DOCK4: variants seen among roughly 807,000 people sequenced by gnomAD.
DOCK4 encodes the protein dedicator of cytokinesis 4, also known as dedicator of cytokinesis protein 4.
DOCK4 carries 97 observed loss-of-function variants against 268.1 expected under a neutral mutation model. The observed-to-expected ratio is 0.36, with a 90% CI of 0.31 to 0.43. The LOEUF (loss-of-function observed/expected upper bound fraction) is 0.43, where lower values mean the gene tolerates loss of function less well. DOCK4 is among the 20% of genes least tolerant of loss of function. The pLI is 1.00. For missense variants in DOCK4, 2,145 were observed against 2,455.7 expected, an observed-to-expected ratio of 0.87 and a Z score of 2.67; for synonymous variants, 954 against 887.2, an observed-to-expected ratio of 1.08 and a Z score of -1.34.
At chr7:111,878,088 G>A (rs912498604) in intron 16 of DOCK4, among the ~76,000 whole-genome samples, 1 of 152,160 alleles carries the variant, frequency 6.6e-6, no homozygotes, top group Non-Finnish European at 1.5e-5. Context: ...GCAACATGTT[G>A]AGCAACACTA....
At position 111,834,693 on chromosome 7, in the gene DOCK4, TAAAAAAAA is replaced by T; in HGVS notation, c.2737-15_2737-8del. ...GACAAGCAACAAACTCCCCCTAAGT[TAAAAAAAA>T]AAAAAGCATACATTTTATTTTTAGT... On this transcript the variant is annotated splice_region_variant and splice_polypyrimidine_tract_variant and intron_variant, in intron 25 of 52. Transcript: ENST00000428084. 1 of 1,367,458 alleles carries T rather than the reference TAAAAAAAA, an allele frequency of 7.3e-7. No homozygotes were observed. The highest frequency in any genetic ancestry group is 9.8e-7 in the Non-Finnish European group (1 of 1,023,938). The allele number at this position is 1,367,458 out of a possible 1,614,324, so 84.7% of individuals were successfully genotyped here.
Position 112,206,366 on chromosome 7 carries a change from CG to C in DOCK4, c.-229del. 1.7e-6 allele frequency: 1 copy of C among 586,130 alleles called. No homozygotes were observed. Among genetic ancestry groups the C allele is most frequent in the South Asian group, 2.1e-5 (1 of 48,458 alleles). 36.3% of individuals were successfully genotyped at this position (586,130 alleles called of 1,614,324 possible). On this transcript the variant is annotated 5_prime_UTR_variant, in exon 1 of 53. The change abolishes the stop of an existing upstream ORF in the 5' untranslated region. Transcript: ENST00000428084. ...TGCTCACAGTCCTCCGACGCGCTCC[CG>C]GGTACCCGGCGGCGCAGTCATTGTT...
intron 15 of DOCK4, among the ~76,000 whole-genome samples, chr7:111,899,113 A>G (rs1790911871): frequency 6.6e-6 from 1 of 152,218 alleles, no homozygotes; most frequent in African/African-American, 2.4e-5. Flanking sequence ...GAAGAATTTT[A>G]AGACCCTGCT....
At chr7:111,793,476 G>A (rs1799690418) in intron 30 of DOCK4, among the ~76,000 whole-genome samples, 1 of 152,194 alleles carries the variant, frequency 6.6e-6, no homozygotes, top group African/African-American at 2.4e-5. Flanking sequence ...AAGGAACAAA[G>A]TATTCATTTA....
intron 7 of DOCK4, among the ~76,000 whole-genome samples, chr7:111,983,844 A>ACACGCGCG (rs1554402960): frequency 1.4e-5 from 2 of 138,940 alleles, no homozygotes; most frequent in African/African-American, 5.8e-5. Context: ...GTACACACAC[A>ACACGCGCG]CGCGCGCGCG....
At chr7:111,840,743 T>C (rs1194826267) in intron 25 of DOCK4, 6 of 1,205,484 alleles carry the variant, frequency 5.0e-6, no homozygotes, top group Admixed American at 2.9e-5. Context: ...TGGCACATTG[T>C]GGGATCTGCG....
chr7:111,793,137 G>C (rs932447769), intron 30 of DOCK4, among the ~76,000 whole-genome samples: 16 of 152,182 alleles, frequency 1.1e-4, no homozygotes, highest in Non-Finnish European at 1.6e-4. Flanking sequence ...CTCAGAGTAT[G>C]AGCATTTCTG....
intron 1 of DOCK4, among the ~76,000 whole-genome samples, chr7:112,027,261 G>A (rs1802884420): frequency 6.6e-6 from 1 of 152,070 alleles, no homozygotes; most frequent in South Asian, 2.1e-4. Context: ...GTCTCGCTTT[G>A]TTGCCCAGGG....
intron 1 of DOCK4, among the ~76,000 whole-genome samples, chr7:112,126,648 C>T (rs1442921026): frequency 1.3e-5 from 2 of 152,042 alleles, no homozygotes; most frequent in East Asian, 3.9e-4. Context: ...AAAATTTTTG[C>T]AACCTACTCA....
At chr7:112,062,255 A>C (rs1806486338) in intron 1 of DOCK4, among the ~76,000 whole-genome samples, 1 of 152,192 alleles carries the variant, frequency 6.6e-6, no homozygotes, top group Admixed American at 6.5e-5. Flanking sequence ...TAAAAATTTT[A>C]GACCTAAACA....
intron 30 of DOCK4, 116 bp from the exon 31 acceptor site, chr7:111,790,721 C>T (rs1448707996): frequency 8.2e-7 from 1 of 1,216,764 alleles, no homozygotes; most frequent in Non-Finnish European, 1.1e-6. Context: ...TTATAGTCGT[C>T]TCCTCAAGCA....
chr7:112,012,199 T>C (rs1017700037), intron 1 of DOCK4, among the ~76,000 whole-genome samples: 2 of 152,200 alleles, frequency 1.3e-5, no homozygotes, highest in Non-Finnish European at 2.9e-5. Flanking sequence ...AAGCCTTCCA[T>C]TTATAATAGT....
intron 16 of DOCK4, among the ~76,000 whole-genome samples, chr7:111,885,283 TC>T (rs1807739984): frequency 6.6e-6 from 1 of 152,184 alleles, no homozygotes; most frequent in East Asian, 1.9e-4. Flanking sequence ...CATGGTAAAA[TC>T]CAGCTATACT....
Position 111,940,149 on chromosome 7 carries a change from G to A in DOCK4, c.938C>T (p.Thr313Ile), listed in dbSNP as rs1795090166. Residue 313 changes from threonine (T) to isoleucine (I), a missense_variant, in exon 11 of 53, where the codon ACA becomes ATA. Physicochemically the swap from Thr to Ile is moderately conservative, Grantham distance 89. Around this residue, in one of 2 missense-constraint regions of DOCK4, gnomAD observed 1,598 missense variants for 1,986.7 expected, o/e 0.80. Transcript: ENST00000428084. ...AATGAGGTCATCCTTTGTCTCTCCT[G>A]TTAGCAGGTCAGCGATGCTAAGAAC... ...CAVLSIADLLTGETKDDLILK... is the reference protein window; with the variant it reads ...CAVLSIADLLIGETKDDLILK... 6.2e-7 allele frequency: 1 copy of A among 1,613,860 alleles called. No individual in the cohort carries two copies. Among genetic ancestry groups the A allele is most frequent in the Non-Finnish European group, 8.5e-7 (1 of 1,179,902 alleles).
chr7:111,961,140 T>C (rs1200866036), intron 8 of DOCK4, among the ~76,000 whole-genome samples: 1 of 152,152 alleles, frequency 6.6e-6, no homozygotes, highest in South Asian at 2.1e-4. Context: ...CTCTGTCCTC[T>C]CTTTTGCTCT....
At chr7:111,765,614 T>G (rs1307060401) in intron 38 of DOCK4, among the ~76,000 whole-genome samples, 1 of 152,206 alleles carries the variant, frequency 6.6e-6, no homozygotes, top group Non-Finnish European at 1.5e-5. Flanking sequence ...CATGAATTAT[T>G]AGAGGCAAAA....
chr7:112,045,774 C>T (rs1177027957), intron 1 of DOCK4, among the ~76,000 whole-genome samples: 3 of 152,076 alleles, frequency 2.0e-5, no homozygotes, highest in Non-Finnish European at 4.4e-5. Flanking sequence ...TGAGAGCACA[C>T]CATTTTGTTC....
At chr7:112,164,905 T>C (rs1400401504) in intron 1 of DOCK4, among the ~76,000 whole-genome samples, 1 of 152,194 alleles carries the variant, frequency 6.6e-6, no homozygotes, top group East Asian at 1.9e-4. Flanking sequence ...GGACATGTTA[T>C]TACAACCTGG....
intron 1 of DOCK4, among the ~76,000 whole-genome samples, chr7:112,180,215 A>C (rs1818901326): frequency 6.7e-6 from 1 of 150,322 alleles, no homozygotes; most frequent in Non-Finnish European, 1.5e-5. Flanking sequence ...CAGACAAGGA[A>C]GGAGGTAGCC....
Sources: gnomAD v4.1 joint callset for allele counts (sites outside exome capture counted in the v4.1 genomes callset) on GRCh38, gnomAD v4.1.1 for gene constraint, gnomAD v4.1.1 regional missense constraint, MANE v1.5 for transcripts, NCBI Gene and HGNC (gene_info 2026-07-23, HGNC 2026-07-21) for gene names.